The following RBFOX1 variants were observed in gnomAD, a reference collection of about 807,000 sequenced individuals.
RBFOX1 encodes RNA binding protein fox-1 homolog 1.
Under a neutral mutation model 57.7 loss-of-function variants are expected in RBFOX1, and 8 were observed. The observed-to-expected ratio is 0.14, with a 90% CI of 0.08 to 0.25. The LOEUF (loss-of-function observed/expected upper bound fraction) is 0.25, where lower values mean the gene tolerates loss of function less well. Among genes scored for constraint, RBFOX1 ranks in the 10% least tolerant of loss-of-function variants. RBFOX1 has a pLI of 1.00. For missense variants in RBFOX1, 611 were observed against 548.5 expected, an observed-to-expected ratio of 1.11 and a Z score of -1.14; for synonymous variants, 326 against 222.4, an observed-to-expected ratio of 1.47 and a Z score of -4.15.
chr16:6,563,588 A>C (rs2097213603), intron 2 of RBFOX1, among the ~76,000 whole-genome samples: 1 of 152,162 alleles, frequency 6.6e-6, no homozygotes, highest in East Asian at 1.9e-4. Flanking sequence ...TCACGCCTGT[A>C]CTTCCAGCAC....
intron 4 of RBFOX1, among the ~76,000 whole-genome samples, chr16:7,276,356 G>A (rs148836921): frequency 1.3e-5 from 2 of 152,166 alleles, no homozygotes; most frequent in Non-Finnish European, 2.9e-5. Flanking sequence ...AGGTTTGCTT[G>A]TGTCTTAGGA....
intron 4 of RBFOX1, among the ~76,000 whole-genome samples, chr16:5,936,956 A>T (rs1224811696): frequency 6.6e-6 from 1 of 152,176 alleles, no homozygotes; most frequent in African/African-American, 2.4e-5. Flanking sequence ...TCTGTTTTTC[A>T]CTTACATATT....
chr16:6,847,840 G>C (rs2093841192), intron 3 of RBFOX1, among the ~76,000 whole-genome samples: 1 of 151,972 alleles, frequency 6.6e-6, no homozygotes, highest in Admixed American at 6.6e-5. Context: ...ACTTCCTTTT[G>C]GTGGTGGTTG....
intron 2 of RBFOX1, among the ~76,000 whole-genome samples, chr16:5,492,007 TAC>T (rs2042849585): frequency 1.3e-5 from 2 of 152,154 alleles, no homozygotes; most frequent in Non-Finnish European, 2.9e-5. Flanking sequence ...GGTTGAGAAT[TAC>T]AGAGTGTGGG....
chr16:5,832,393 T>C (rs530703096), intron 3 of RBFOX1, among the ~76,000 whole-genome samples: 1 of 152,366 alleles, frequency 6.6e-6, no homozygotes, highest in East Asian at 1.9e-4. Context: ...AGGGCTATTT[T>C]GCCACTTCCT....
At chr16:7,292,934 A>C (rs370492218) in intron 4 of RBFOX1, among the ~76,000 whole-genome samples, 1 of 152,148 alleles carries the variant, frequency 6.6e-6, no homozygotes, top group East Asian at 1.9e-4. Flanking sequence ...AAGGAGCAGG[A>C]AACAGAGGAT....
chr16:6,095,801 G>C (rs2096238884), intron 1 of RBFOX1, among the ~76,000 whole-genome samples: 1 of 152,212 alleles, frequency 6.6e-6, no homozygotes. Context: ...CTGAGTCTGG[G>C]ATCGTTACCA....
At chr16:5,597,965 T>A (rs761817549) in intron 2 of RBFOX1, among the ~76,000 whole-genome samples, 10 of 152,144 alleles carry the variant, frequency 6.6e-5, no homozygotes, top group Non-Finnish European at 1.2e-4. Context: ...GACCTACTTC[T>A]TAATACCCTA....
chr16:7,187,109 C>T (rs1438655312), intron 4 of RBFOX1, among the ~76,000 whole-genome samples: 1 of 151,546 alleles, frequency 6.6e-6, no homozygotes, highest in East Asian at 1.9e-4. Flanking sequence ...GTCAGGGCTG[C>T]AGTGAGCCAT....
At chr16:7,316,124 G>T (rs1020947833) in intron 4 of RBFOX1, among the ~76,000 whole-genome samples, 1 of 152,094 alleles carries the variant, frequency 6.6e-6, no homozygotes, top group East Asian at 1.9e-4. Flanking sequence ...ATCATGCAGC[G>T]TGCCAAGAAG....
At chr16:5,333,655 T>C (rs552962736) in intron 1 of RBFOX1, among the ~76,000 whole-genome samples, 7 of 152,168 alleles carry the variant, frequency 4.6e-5, no homozygotes, top group Non-Finnish European at 7.4e-5. Context: ...GAGAATTGTA[T>C]AGTTGGTTGA....
chr16:7,591,704 C>CTTGA (rs1423175788), intron 7 of RBFOX1, among the ~76,000 whole-genome samples: 1 of 152,124 alleles, frequency 6.6e-6, no homozygotes, highest in Non-Finnish European at 1.5e-5. Flanking sequence ...TTCTTGCGGT[C>CTTGA]TTGATTTTTT....
intron 4 of RBFOX1, among the ~76,000 whole-genome samples, chr16:5,951,344 A>C (rs765859779): frequency 1.3e-5 from 2 of 152,084 alleles, no homozygotes; most frequent in Non-Finnish European, 2.9e-5. Flanking sequence ...GCTATTCAAG[A>C]GGCTAAGGCA....
chr16:5,850,757 G>A (rs1229413067), intron 3 of RBFOX1, among the ~76,000 whole-genome samples: 1 of 152,202 alleles, frequency 6.6e-6, no homozygotes, highest in Non-Finnish European at 1.5e-5. Context: ...CCACAAGGGC[G>A]ACTCCAGAGC....
At chr16:7,670,804 C>G (rs1043488540) in intron 13 of RBFOX1, among the ~76,000 whole-genome samples, 1 of 152,146 alleles carries the variant, frequency 6.6e-6, no homozygotes, top group Non-Finnish European at 1.5e-5. Context: ...AATTTTATTT[C>G]AAACTGTGAC....
intron 1 of RBFOX1, among the ~76,000 whole-genome samples, chr16:6,299,994 G>A (rs1222919189): frequency 6.6e-6 from 1 of 152,100 alleles, no homozygotes; most frequent in Non-Finnish European, 1.5e-5. Context: ...ATGTACAATG[G>A]GATACCATTC....
At position 6,164,046 on chromosome 16, in the gene RBFOX1, C is replaced by A. The variant is rs571093415; in HGVS notation, c.-127+144054C>A. On this transcript the variant is annotated intron_variant, in intron 1 of 15. Transcript: ENST00000550418. Reference sequence around the variant, plus strand: ...GAGTAGTTGAAATCTTCTTATTTAACAAAAATTGCTGATAGAATTTTATTA... The same window carrying A: ...GAGTAGTTGAAATCTTCTTATTTAAAAAAAATTGCTGATAGAATTTTATTA... 4.9e-4 allele frequency among the ~76,000 whole-genome samples: 74 copies of A among 152,268 alleles called. 1 individual carries two copies. The highest frequency in any genetic ancestry group is 3.5e-3 in the Admixed American group (54 of 15,290).
rs74008503 is a variant in RBFOX1, at chr16:7,015,256, G to A, written c.-15-36801G>A. Among the ~76,000 whole-genome samples, 1,408 of 152,232 alleles carry A rather than the reference G, an allele frequency of 9.2e-3. 25 individuals are homozygous for A. The highest frequency in any genetic ancestry group is 0.032 in the African/African-American group (1,332 of 41,542). ...CATTATAGGCGCTGAGGCTATGGGT[G>A]AGCATATGGCCTGGGACTGCAAATC... On this transcript the variant is annotated intron_variant, in intron 3 of 15. Transcript: ENST00000550418.
chr16:7,011,451 G>C (rs1232086405), intron 3 of RBFOX1, among the ~76,000 whole-genome samples: 1 of 151,894 alleles, frequency 6.6e-6, no homozygotes, highest in African/African-American at 2.4e-5. Context: ...TTCCAAGTTG[G>C]ATTTTTGTTT....
Sources: gnomAD v4.1 joint callset for allele counts (sites outside exome capture counted in the v4.1 genomes callset) on GRCh38, gnomAD v4.1.1 for gene constraint, MANE v1.5 for transcripts, NCBI Gene and HGNC (gene_info 2026-07-23, HGNC 2026-07-21) for gene names.